The following ENPEP variants were observed in gnomAD, a reference collection of about 807,000 sequenced individuals.
ENPEP encodes glutamyl aminopeptidase.
Under a neutral mutation model 114.5 loss-of-function variants are expected in ENPEP, and 103 were observed. The observed-to-expected ratio is 0.90, with a 90% CI of 0.77 to 1.06. The LOEUF (loss-of-function observed/expected upper bound fraction) is 1.06. ENPEP is among the 50% of genes least tolerant of loss of function. ENPEP has a pLI of 0.00. For missense variants in ENPEP, 1,196 were observed against 1,161.3 expected, an observed-to-expected ratio of 1.03 and a Z score of -0.43; for synonymous variants, 420 against 422.0, an observed-to-expected ratio of 1.00 and a Z score of 0.06.
chr4:110,506,308 A>G (rs575366636), intron 3 of ENPEP: 425 of 193,280 alleles, frequency 2.2e-3, no homozygotes, highest in African/African-American at 9.5e-3. Flanking sequence ...TTAAGAAGAT[A>G]ATATATGTTC....
chr4:110,540,627 G>A (rs1241175517), intron 11 of ENPEP, among the ~76,000 whole-genome samples: 2 of 152,050 alleles, frequency 1.3e-5, no homozygotes, highest in African/African-American at 2.4e-5. Context: ...TATAAAGTGA[G>A]AAAAATCACA....
At position 110,561,436 on chromosome 4, in the gene ENPEP, G is replaced by A. The variant is rs1458276351; in HGVS notation, c.2752G>A (p.Ala918Thr). Reference protein sequence around the residue: ...MESFFAKYPQAGAGEKPREQV... With the variant: ...MESFFAKYPQTGAGEKPREQV... Reference sequence around the variant, plus strand: ...GAGCTTTTTTGCAAAATATCCACAAGCTGGAGCAGGAGAAAAACCTAGGGA... The same window carrying A: ...GAGCTTTTTTGCAAAATATCCACAAACTGGAGCAGGAGAAAAACCTAGGGA... Residue 918 changes from alanine to threonine, a missense_variant, in exon 20 of 20, where the codon GCT becomes ACT. Ala to Thr is a moderately conservative substitution (Grantham distance 58). Coordinates refer to ENST00000265162, the MANE Select transcript of ENPEP (RefSeq NM_001977.4). 2.5e-6 allele frequency: 4 copies of A among 1,613,970 alleles called. No individual in the cohort carries two copies. The highest frequency in any genetic ancestry group is 2.2e-5 in the East Asian group (1 of 44,856).
At chr4:110,492,466 G>A (rs1724762919) in intron 3 of ENPEP, among the ~76,000 whole-genome samples, 1 of 152,192 alleles carries the variant, frequency 6.6e-6, no homozygotes, top group South Asian at 2.1e-4. Flanking sequence ...TGGTGTGGTA[G>A]GAGTTGATAT....
At chr4:110,532,950 G>GAA in intron 11 of ENPEP, 27 of 236,506 alleles carry the variant, frequency 1.1e-4, no homozygotes, top group Middle Eastern at 6.0e-4. Context: ...GGAGAAGACA[G>GAA]AAAAAAAAAA....
intron 8 of ENPEP, 71 bp from the exon 9 acceptor site, chr4:110,519,937 C>A: frequency 7.2e-7 from 1 of 1,379,576 alleles, no homozygotes; most frequent in South Asian, 1.2e-5. Context: ...AGCAGGGGTT[C>A]AGTTCATCTT....
intron 18 of ENPEP, 51 bp downstream of exon 18, chr4:110,553,506 C>G: frequency 6.6e-7 from 1 of 1,512,796 alleles, no homozygotes; most frequent in Non-Finnish European, 8.9e-7. Context: ...ATACTATCTA[C>G]TGGTTCCTTC....
At chr4:110,533,000 T>A in intron 11 of ENPEP, 3 of 403,782 alleles carry the variant, frequency 7.4e-6, no homozygotes, top group Non-Finnish European at 1.0e-5. Flanking sequence ...GTAAAAGACA[T>A]AATAAGAACG....
chr4:110,476,950 C>A lies in ENPEP; in HGVS notation c.536C>A (p.Pro179His). 6.2e-7 allele frequency: 1 copy of A among 1,614,170 alleles called. No individual in the cohort carries two copies. The highest frequency in any genetic ancestry group is 8.5e-7 in the Non-Finnish European group (1 of 1,180,026). The change falls in exon 1 of 20, where the codon CCC (proline) becomes CAC (histidine). Residue 179 changes from proline to histidine, a missense_variant. Pro to His is a moderately conservative substitution (Grantham distance 77). Transcript: ENST00000265162. ...GTCGAGGCGGAGGAAGAGCTTACCC[C>A]CAGCAGTGGAGATGGCCTGTATCTC... ...VVVEAEEELT[P>H]SSGDGLYLLT...
intron 10 of ENPEP, among the ~76,000 whole-genome samples, chr4:110,530,616 A>G (rs867267206): frequency 5.9e-5 from 9 of 152,208 alleles, no homozygotes; most frequent in Admixed American, 2.0e-4. Context: ...AAGCACTGAA[A>G]ACTCCTGAAA....
intron 3 of ENPEP, among the ~76,000 whole-genome samples, chr4:110,498,609 A>G (rs1338459908): frequency 1.3e-5 from 2 of 152,188 alleles, no homozygotes; most frequent in African/African-American, 4.8e-5. Flanking sequence ...CACTCAATAG[A>G]CAAGGACAAT....
At chr4:110,508,081 C>A (rs1398255329) in intron 4 of ENPEP, among the ~76,000 whole-genome samples, 1 of 152,136 alleles carries the variant, frequency 6.6e-6, no homozygotes, top group Non-Finnish European at 1.5e-5. Context: ...GGAAATCTCA[C>A]AAATTTATTA....
At position 110,520,340 on chromosome 4, in the gene ENPEP, C is replaced by G; in HGVS notation, c.1701C>G (p.Asn567Lys). The G allele has an allele frequency of 6.2e-7, 1 of 1,613,992 alleles. No homozygotes were observed. The highest frequency in any genetic ancestry group is 8.5e-7 in the Non-Finnish European group (1 of 1,179,934). Residue 567 changes from asparagine to lysine, a missense_variant, in exon 10 of 20, where the codon AAC becomes AAG. By Grantham distance (94) the Asn-to-Lys change is moderately conservative (BLOSUM62 0). Transcript: ENST00000265162. ...GCTTTTTGTTGGACCCAAGAGCTAA[C>G]CCTTCTCAGCCCCCTTCAGATCTTG... ...QKRFLLDPRA[N>K]PSQPPSDLGY...
chr4:110,560,272 T>C (rs754160853), intron 19 of ENPEP, among the ~76,000 whole-genome samples: 1 of 152,218 alleles, frequency 6.6e-6, no homozygotes, highest in African/African-American at 2.4e-5. Flanking sequence ...TGTGTCTTTA[T>C]AGTAGAATGA....
intron 14 of ENPEP, among the ~76,000 whole-genome samples, chr4:110,549,101 G>T (rs1230849934): frequency 6.6e-6 from 1 of 152,042 alleles, no homozygotes; most frequent in Non-Finnish European, 1.5e-5. Context: ...AGAAATAGGG[G>T]TTAAAAGGGC....
At chr4:110,528,786 T>TA (rs1378732887) in intron 10 of ENPEP, among the ~76,000 whole-genome samples, 5 of 152,138 alleles carry the variant, frequency 3.3e-5, no homozygotes, top group African/African-American at 4.8e-5. Flanking sequence ...TAGAGAAAAT[T>TA]AGAGTGGCCA....
At chr4:110,521,022 T>C (rs929595818) in intron 10 of ENPEP, among the ~76,000 whole-genome samples, 13 of 152,208 alleles carry the variant, frequency 8.5e-5, no homozygotes, top group Non-Finnish European at 1.5e-4. Context: ...TTCCATTTGG[T>C]TGAGACTCTC....
At chr4:110,560,119 G>A (rs1216525960) in intron 19 of ENPEP, among the ~76,000 whole-genome samples, 1 of 152,184 alleles carries the variant, frequency 6.6e-6, no homozygotes, top group Non-Finnish European at 1.5e-5. Flanking sequence ...CAAAGGACAT[G>A]AACTTATTCT....
At chr4:110,496,605 C>T (rs1351708444) in intron 3 of ENPEP, among the ~76,000 whole-genome samples, 2 of 152,200 alleles carry the variant, frequency 1.3e-5, no homozygotes, top group Non-Finnish European at 2.9e-5. Context: ...CTTAGCAATG[C>T]TGTCTCCTTA....
At chr4:110,505,301 C>T (rs72666194) in intron 3 of ENPEP, among the ~76,000 whole-genome samples, 16,784 of 151,782 alleles carry the variant, frequency 0.11, 1,091 homozygotes, top group Middle Eastern at 0.29. Context: ...AATGTATCAT[C>T]ACTTCTGTAA....
Sources: allele counts gnomAD v4.1 joint callset (sites outside exome capture counted in the v4.1 genomes callset), GRCh38; gene constraint gnomAD v4.1.1; transcripts MANE v1.5; gene names NCBI Gene and HGNC (gene_info 2026-07-23, HGNC 2026-07-21).